The following CAPSL variants were observed in gnomAD, a reference collection of about 807,000 sequenced individuals.
CAPSL encodes the protein calcyphosin-like protein.
CAPSL carries 17 observed loss-of-function variants against 21.3 expected under a neutral mutation model. That is an observed-to-expected ratio of 0.80 (90% confidence interval 0.55 to 1.20). CAPSL has a LOEUF of 1.20. CAPSL is among the 50% of genes most tolerant of loss of function. The pLI, the probability that CAPSL is intolerant of heterozygous loss-of-function variation, is 0.00. For missense variants in CAPSL, 289 were observed against 259.3 expected (o/e 1.11, Z -0.79); for synonymous variants, 102 against 89.3 (o/e 1.14, Z -0.80).
intron 1 of CAPSL, among the ~76,000 whole-genome samples, chr5:35,935,886 A>G (rs1463486725): frequency 1.3e-5 from 2 of 152,132 alleles, no homozygotes; most frequent in Non-Finnish European, 2.9e-5. Context: ...TCTCAGAATA[A>G]TAGCTAACTT....
chr5:35,932,158 T>C (rs534871587), intron 1 of CAPSL, among the ~76,000 whole-genome samples: 5 of 152,300 alleles, frequency 3.3e-5, no homozygotes, highest in Admixed American at 1.3e-4. Context: ...TGTTAAGGGA[T>C]AGAAATCCAA....
At position 35,904,390 on chromosome 5, in the gene CAPSL, T is replaced by A; in HGVS notation, c.*155A>T. 1.6e-6 allele frequency: 1 copy of A among 629,002 alleles called. No homozygotes were observed. Among genetic ancestry groups the A allele is most frequent in the African/African-American group, 1.8e-5 (1 of 54,206 alleles). 39.0% of individuals were successfully genotyped at this position (629,002 alleles called of 1,614,324 possible). ...AGTTGGCTACTCAATGTCTTTTATT[T>A]CTGCCTGTTTTTTGGCCCCAGAAAA... On this transcript the variant is annotated 3_prime_UTR_variant, in exon 5 of 5. Transcript: ENST00000651391.
chr5:35,916,521 G>A (rs1232585173), intron 2 of CAPSL, among the ~76,000 whole-genome samples: 2 of 152,092 alleles, frequency 1.3e-5, no homozygotes, highest in African/African-American at 4.8e-5. Flanking sequence ...CAGAGATATA[G>A]ACCAATGGAA....
chr5:35,909,024 G>A (rs73094022), intron 4 of CAPSL, among the ~76,000 whole-genome samples: 3,313 of 151,938 alleles, frequency 0.022, 117 homozygotes, highest in African/African-American at 0.076. Context: ...GTTACTCAAG[G>A]GACAATCCCC....
At chr5:35,906,585 A>G (rs1760684576) in intron 4 of CAPSL, among the ~76,000 whole-genome samples, 1 of 152,196 alleles carries the variant, frequency 6.6e-6, no homozygotes. Context: ...CAAAGACTTC[A>G]GCTCTGCTCT....
At chr5:35,919,160 T>TTAAAAAA (rs139738118) in intron 2 of CAPSL, among the ~76,000 whole-genome samples, 2,390 of 129,006 alleles carry the variant, frequency 0.019, 46 homozygotes, top group Middle Eastern at 0.062. Flanking sequence ...CTTTCCTGAT[T>TTAAAAAA]AAAAAAAAAA....
intron 4 of CAPSL, among the ~76,000 whole-genome samples, chr5:35,907,574 G>A (rs1255287916): frequency 6.6e-6 from 1 of 152,142 alleles, no homozygotes; most frequent in African/African-American, 2.4e-5. Context: ...ATGGCTTCCG[G>A]CTGCTATGGG....
At chr5:35,916,072 GACAA>G (rs200023576) in intron 2 of CAPSL, among the ~76,000 whole-genome samples, 31,030 of 151,800 alleles carry the variant, frequency 0.2, 3,832 homozygotes, top group Non-Finnish European at 0.28. Flanking sequence ...ACAAATAACA[GACAA>G]ACAGAGAGGC....
intron 1 of CAPSL, among the ~76,000 whole-genome samples, chr5:35,927,065 T>C (rs1738703588): frequency 6.6e-6 from 1 of 150,646 alleles, no homozygotes; most frequent in Non-Finnish European, 1.5e-5. Flanking sequence ...CGAGATGTGC[T>C]TGAGGAGGGG....
At chr5:35,919,170 A>ATTAT (rs1554069748) in intron 2 of CAPSL, among the ~76,000 whole-genome samples, 5 of 121,266 alleles carry the variant, frequency 4.1e-5, no homozygotes, top group Admixed American at 2.5e-4. Flanking sequence ...TAAAAAAAAA[A>ATTAT]ATATATATAT....
At chr5:35,935,804 A>G (rs944614630) in intron 1 of CAPSL, among the ~76,000 whole-genome samples, 1 of 151,056 alleles carries the variant, frequency 6.6e-6, no homozygotes, top group African/African-American at 2.4e-5. Flanking sequence ...CATTTTACAC[A>G]CTCTGCGCAT....
chr5:35,920,615 G>T (rs1338497710), intron 2 of CAPSL, among the ~76,000 whole-genome samples: 1 of 152,160 alleles, frequency 6.6e-6, no homozygotes, highest in Non-Finnish European at 1.5e-5. Flanking sequence ...TGCAATTAGG[G>T]CTAACTGGCT....
At chr5:35,916,163 G>A (rs1056159094) in intron 2 of CAPSL, among the ~76,000 whole-genome samples, 1 of 151,932 alleles carries the variant, frequency 6.6e-6, no homozygotes, top group Non-Finnish European at 1.5e-5. Flanking sequence ...CAAGGGATGT[G>A]AAGGACCTCT....
chr5:35,921,141 G>C, intron 1 of CAPSL, 21 bp from the exon 2 acceptor site: 1 of 1,612,678 alleles, frequency 6.2e-7, no homozygotes, highest in South Asian at 1.1e-5. Flanking sequence ...GCCATAGCAT[G>C]TTAGCAAAGT....
intron 2 of CAPSL, among the ~76,000 whole-genome samples, chr5:35,915,046 G>A (rs1210328474): frequency 3.3e-5 from 5 of 152,172 alleles, no homozygotes; most frequent in African/African-American, 1.2e-4. Context: ...CGATCCCACA[G>A]AAATACAAAC....
At chr5:35,912,904 C>G (rs1738269258) in intron 2 of CAPSL, among the ~76,000 whole-genome samples, 1 of 152,160 alleles carries the variant, frequency 6.6e-6, no homozygotes, top group South Asian at 2.1e-4. Flanking sequence ...GATGATCAAA[C>G]TACTTGAGCT....
At position 35,910,065 on chromosome 5, in the gene CAPSL, G is replaced by A. The variant is rs750270903; in HGVS notation, c.326C>T (p.Ser109Phe). The change falls in exon 4 of 5, where the codon TCC becomes TTC. Residue 109 changes from serine to phenylalanine, a missense_variant. Physicochemically the swap from Ser to Phe is radical, Grantham distance 155. Transcript: ENST00000651391. The part of the protein sequence containing the change: ...EFLLTLRPPM[S>F]RARKEVIMQA... ...CATGATTACCTCTTTTCTGGCTCTG[G>A]ACATTGGAGGCTACAAAAATAGAAG... 6.9e-6 allele frequency: 11 copies of A among 1,600,866 alleles called. No individual in the cohort carries two copies. The South Asian group carries it at 1.2e-4, about 18-fold the overall frequency.
intron 2 of CAPSL, among the ~76,000 whole-genome samples, chr5:35,911,452 A>T: frequency 6.6e-6 from 1 of 152,330 alleles, no homozygotes; most frequent in East Asian, 1.9e-4. Context: ...AAAAATAATA[A>T]GCCCAGTTTA....
intron 3 of CAPSL, 46 bp downstream of exon 3, chr5:35,910,320 G>A (rs368384088): frequency 9.5e-6 from 15 of 1,584,386 alleles, no homozygotes; most frequent in Middle Eastern, 1.7e-4. Context: ...CCCAAACCAC[G>A]TGAAAGCCAA....
Sources: gnomAD v4.1 joint callset for allele counts (sites outside exome capture counted in the v4.1 genomes callset) on GRCh38, gnomAD v4.1.1 for gene constraint, MANE v1.5 for transcripts, NCBI Gene and HGNC (gene_info 2026-07-23, HGNC 2026-07-21) for gene names.